H2AC12: variants seen among roughly 807,000 people sequenced by gnomAD.
H2AC12 encodes the protein H2A clustered histone 12, also known as histone H2A type 1-H.
Under a neutral mutation model 5.8 loss-of-function variants are expected in H2AC12, and 9 were observed. The observed-to-expected ratio is 1.56, with a 90% CI of 0.94 to 2.71. The LOEUF is 2.71. Among genes scored for constraint, H2AC12 ranks in the 30% most tolerant of loss-of-function variants. The probability of loss-of-function intolerance (pLI) is 0.00; values close to 1 mark genes in which losing one functional copy is unlikely to be tolerated. For synonymous variants in H2AC12, 158 were observed against 78.1 expected, an observed-to-expected ratio of 2.02 and a Z score of -5.39; for missense variants, 232 against 173.1, an observed-to-expected ratio of 1.34 and a Z score of -1.91.
In H2AC12 at chr6:27,147,155, T is replaced by TC; in HGVS notation, c.27_28insC (p.Lys10GlnfsTer30). On this transcript the variant is annotated frameshift_variant, in exon 1 of 1. Coordinates refer to ENST00000377459, the MANE Select transcript of H2AC12 (RefSeq NM_080596.3). LOFTEE classifies it high-confidence loss of function. ...TGTCTGGACGTGGCAAGCAAGGCGGTAAAGCTCGCGCCAAGGCCAAGACCC... is the reference window on the plus strand; with the variant it reads ...TGTCTGGACGTGGCAAGCAAGGCGGTCAAAGCTCGCGCCAAGGCCAAGACCC... The TC allele has an allele frequency of 6.2e-7, 1 of 1,612,898 alleles. No homozygotes were observed. The highest frequency in any genetic ancestry group is 2.2e-5 in the East Asian group (1 of 44,870).
chr6:27,147,370 C>T lies in H2AC12; in HGVS notation c.242C>T (p.Pro81Leu). The change falls in exon 1 of 1, where the codon CCG becomes CTG. Residue 81 changes from proline to leucine, a missense_variant. Pro to Leu is a moderately conservative substitution (Grantham distance 98, BLOSUM62 -3). Coordinates refer to ENST00000377459, the MANE Select transcript of H2AC12 (RefSeq NM_080596.3). ...ARDNKKTRII[P>L]RHLQLAIRND... ...GACAACAAGAAGACCCGTATCATCC[C>T]GCGTCACCTCCAACTGGCCATCCGC... 6.2e-7 allele frequency: 1 copy of T among 1,614,192 alleles called. No homozygotes were observed. Among genetic ancestry groups the T allele is most frequent in the Non-Finnish European group, 8.5e-7 (1 of 1,180,034 alleles).
In H2AC12 at chr6:27,147,394, G is replaced by A; in HGVS notation, c.266G>A (p.Arg89His). ...CCGCGTCACCTCCAACTGGCCATCC[G>A]CAACGACGAGGAGCTCAACAAGCTG... Reference protein sequence around the residue: ...IIPRHLQLAIRNDEELNKLLG... With the variant: ...IIPRHLQLAIHNDEELNKLLG... The change falls in exon 1 of 1, where the codon CGC (arginine) becomes CAC (histidine). Residue 89 changes from arginine to histidine, a missense_variant. Arg to His is a conservative substitution (Grantham distance 29). Transcript: ENST00000377459. The A allele has an allele frequency of 2.5e-6, 4 of 1,614,222 alleles. No individual in the cohort carries two copies. The South Asian group carries it at 4.4e-5, about 18-fold the overall frequency.
In H2AC12 at chr6:27,147,420, C is replaced by G; in HGVS notation, c.292C>G (p.Leu98Val). Residue 98 changes from leucine to valine, a missense_variant, in exon 1 of 1, where the codon CTG (leucine) becomes GTG (valine). Coordinates refer to ENST00000377459, the MANE Select transcript of H2AC12 (RefSeq NM_080596.3). The stretch of plus-strand genomic sequence containing the variant: ...CAACGACGAGGAGCTCAACAAGCTG[C>G]TGGGCAAAGTCACCATCGCGCAGGG... ...IRNDEELNKL[L>V]GKVTIAQGGV... 6.2e-7 allele frequency: 1 copy of G among 1,614,234 alleles called. No homozygotes were observed. The highest frequency in any genetic ancestry group is 8.5e-7 in the Non-Finnish European group (1 of 1,180,046).
chr6:27,147,281 C>G lies in H2AC12; in HGVS notation c.153C>G (p.Tyr51Ter). ...AERVGAGAPVYLAAVLEYLTA... is the reference protein window; with the variant it reads ...AERVGAGAPV ...GGGTTGGAGCCGGCGCGCCAGTGTA[C>G]CTGGCTGCGGTGCTGGAGTACCTGA... Residue 51 changes from tyrosine to a stop codon, truncating the protein, a stop_gained, in exon 1 of 1, where the codon TAC becomes TAG. Transcript: ENST00000377459. LOFTEE classifies it high-confidence loss of function. The G allele has an allele frequency of 6.2e-7, 1 of 1,614,152 alleles. No homozygotes were observed. The highest frequency in any genetic ancestry group is 8.5e-7 in the Non-Finnish European group (1 of 1,180,018).
chr6:27,147,425 C>T lies in H2AC12; in HGVS notation c.297C>T (p.Gly99=), dbSNP rs535817336. Residue 99 remains glycine (G), a synonymous_variant, in exon 1 of 1, where the codon GGC becomes GGT. Coordinates refer to ENST00000377459, the MANE Select transcript of H2AC12 (RefSeq NM_080596.3). The stretch of plus-strand genomic sequence containing the variant: ...ACGAGGAGCTCAACAAGCTGCTGGG[C>T]AAAGTCACCATCGCGCAGGGTGGTG... The part of the protein sequence containing the change: ...RNDEELNKLL[G]KVTIAQGGVL... The T allele has an allele frequency of 2.6e-5, 42 of 1,614,214 alleles. 2 individuals carry two copies. Among genetic ancestry groups the T allele is most frequent in the South Asian group, 2.5e-4 (23 of 91,086 alleles).
In H2AC12 at chr6:27,147,121, T is replaced by G. The variant is rs189033282; in HGVS notation, c.-8T>G. 6.9e-6 allele frequency: 11 copies of G among 1,603,372 alleles called. No homozygotes were observed. Reference sequence around the variant, plus strand: ...CTCGTTGGCTACTTTCAGTAAGTTGTGACCAGTATGTCTGGACGTGGCAAG... The same window carrying G: ...CTCGTTGGCTACTTTCAGTAAGTTGGGACCAGTATGTCTGGACGTGGCAAG... On this transcript the variant is annotated 5_prime_UTR_variant, in exon 1 of 1. Coordinates refer to ENST00000377459, the MANE Select transcript of H2AC12 (RefSeq NM_080596.3).
Position 27,147,168 on chromosome 6 carries a change from A to G in H2AC12, c.40A>G (p.Lys14Glu), listed in dbSNP as rs138122482. 65 of 1,613,486 alleles carry G rather than the reference A, an allele frequency of 4.0e-5. No homozygotes were observed. Among genetic ancestry groups the G allele is most frequent in the Non-Finnish European group, 5.3e-5 (63 of 1,179,700 alleles). Residue 14 changes from lysine (K) to glutamate (E), a missense_variant, in exon 1 of 1, where the codon AAG becomes GAG. Transcript: ENST00000377459. ...CAAGCAAGGCGGTAAAGCTCGCGCC[A>G]AGGCCAAGACCCGCTCTTCTCGGGC... is the stretch of plus-strand genomic sequence containing the variant. ...RGKQGGKARAKAKTRSSRAGL... is the reference protein window; with the variant it reads ...RGKQGGKARAEAKTRSSRAGL...
At position 27,147,281 on chromosome 6, in the gene H2AC12, C is replaced by T. The variant is rs368568753; in HGVS notation, c.153C>T (p.Tyr51=). 3.8e-5 allele frequency: 61 copies of T among 1,614,152 alleles called. No individual in the cohort carries two copies. In the African/African-American group the frequency reaches 3.9e-4, roughly 10 times the overall value. ...AERVGAGAPV[Y]LAAVLEYLTA... ...GGGTTGGAGCCGGCGCGCCAGTGTA[C>T]CTGGCTGCGGTGCTGGAGTACCTGA... The change falls in exon 1 of 1, where the codon TAC becomes TAT. Residue 51 remains tyrosine, a synonymous_variant. Transcript: ENST00000377459.
rs778170423 is a variant in H2AC12 at position 27,147,252 on chromosome 6, G to C, written c.124G>C (p.Glu42Gln). The change falls in exon 1 of 1, where the codon GAG (glutamate) becomes CAG (glutamine). Residue 42 changes from glutamate to glutamine, a missense_variant. Transcript: ENST00000377459. ...HRLLRKGNYAERVGAGAPVYL... is the reference protein window; with the variant it reads ...HRLLRKGNYAQRVGAGAPVYL... Reference sequence around the variant, plus strand: ...CCTGCTCCGCAAGGGTAATTATGCCGAGCGGGTTGGAGCCGGCGCGCCAGT... The same window carrying C: ...CCTGCTCCGCAAGGGTAATTATGCCCAGCGGGTTGGAGCCGGCGCGCCAGT... 1.2e-6 allele frequency: 2 copies of C among 1,614,128 alleles called. No individual in the cohort carries two copies. Among genetic ancestry groups the C allele is most frequent in the South Asian group, 2.2e-5 (2 of 91,080 alleles).
chr6:27,147,206 C>T lies in H2AC12; in HGVS notation c.78C>T (p.Phe26=). ...GCTCTTCTCGGGCTGGGCTTCAGTT[C>T]CCCGTGGGCCGAGTGCACCGCCTGC... ...KTRSSRAGLQ[F]PVGRVHRLLR... The change falls in exon 1 of 1, where the codon TTC becomes TTT. Residue 26 remains phenylalanine (F), a synonymous_variant. Coordinates refer to ENST00000377459, the MANE Select transcript of H2AC12 (RefSeq NM_080596.3). The T allele has an allele frequency of 1.2e-6, 2 of 1,614,160 alleles. No homozygotes were observed. Among genetic ancestry groups the T allele is most frequent in the Non-Finnish European group, 8.5e-7 (1 of 1,180,006 alleles).
rs61740500 is a variant in H2AC12 at position 27,147,374 on chromosome 6, T to C, written c.246T>C (p.Arg82=). 1.2e-3 allele frequency: 1,877 copies of C among 1,614,172 alleles called. 22 individuals carry two copies. The African/African-American group carries it at 0.022, about 19-fold the overall frequency. Residue 82 remains arginine (R), a synonymous_variant, in exon 1 of 1, where the codon CGT becomes CGC. Coordinates refer to ENST00000377459, the MANE Select transcript of H2AC12 (RefSeq NM_080596.3). The stretch of plus-strand genomic sequence containing the variant: ...ACAAGAAGACCCGTATCATCCCGCG[T>C]CACCTCCAACTGGCCATCCGCAACG... The part of the protein sequence containing the change: ...RDNKKTRIIP[R]HLQLAIRNDE...
Position 27,147,253 on chromosome 6 carries a change from A to C in H2AC12, c.125A>C (p.Glu42Ala), listed in dbSNP as rs1267073459. 2 of 1,614,102 alleles carry C rather than the reference A, an allele frequency of 1.2e-6. No individual in the cohort carries two copies. The highest frequency in any genetic ancestry group is 1.7e-6 in the Non-Finnish European group (2 of 1,180,012). ...HRLLRKGNYAERVGAGAPVYL... is the reference protein window; with the variant it reads ...HRLLRKGNYAARVGAGAPVYL... ...CTGCTCCGCAAGGGTAATTATGCCG[A>C]GCGGGTTGGAGCCGGCGCGCCAGTG... Residue 42 changes from glutamate to alanine, a missense_variant, in exon 1 of 1, where the codon GAG becomes GCG. Physicochemically the swap from Glu to Ala is moderately radical, Grantham distance 107. Transcript: ENST00000377459.
At position 27,147,280 on chromosome 6, in the gene H2AC12, A is replaced by G. The variant is rs748161358; in HGVS notation, c.152A>G (p.Tyr51Cys). 3.7e-6 allele frequency: 6 copies of G among 1,614,088 alleles called. No individual in the cohort carries two copies. Among genetic ancestry groups the G allele is most frequent in the South Asian group, 3.3e-5 (3 of 91,080 alleles). The change falls in exon 1 of 1, where the codon TAC (tyrosine) becomes TGC (cysteine). Residue 51 changes from tyrosine (Y) to cysteine (C), a missense_variant. Physicochemically the swap from Tyr to Cys is radical, Grantham distance 194. Coordinates refer to ENST00000377459, the MANE Select transcript of H2AC12 (RefSeq NM_080596.3). Reference sequence around the variant, plus strand: ...CGGGTTGGAGCCGGCGCGCCAGTGTACCTGGCTGCGGTGCTGGAGTACCTG... The same window carrying G: ...CGGGTTGGAGCCGGCGCGCCAGTGTGCCTGGCTGCGGTGCTGGAGTACCTG... ...AERVGAGAPVYLAAVLEYLTA... is the reference protein window; with the variant it reads ...AERVGAGAPVCLAAVLEYLTA...
Position 27,147,261 on chromosome 6 carries a change from G to A in H2AC12, c.133G>A (p.Gly45Arg). The change falls in exon 1 of 1, where the codon GGA (glycine) becomes AGA (arginine). Residue 45 changes from glycine (G) to arginine (R), a missense_variant. By Grantham distance (125) the Gly-to-Arg change is moderately radical. Coordinates refer to ENST00000377459, the MANE Select transcript of H2AC12 (RefSeq NM_080596.3). ...CAAGGGTAATTATGCCGAGCGGGTT[G>A]GAGCCGGCGCGCCAGTGTACCTGGC... ...LRKGNYAERV[G>R]AGAPVYLAAV... The A allele has an allele frequency of 6.2e-7, 1 of 1,614,160 alleles. No homozygotes were observed. The highest frequency in any genetic ancestry group is 8.5e-7 in the Non-Finnish European group (1 of 1,180,028).
Position 27,147,158 on chromosome 6 carries a change from A to T in H2AC12, c.30A>T (p.Lys10Asn), listed in dbSNP as rs750663696. 36 of 1,612,970 alleles carry T rather than the reference A, an allele frequency of 2.2e-5. No homozygotes were observed. The highest frequency in any genetic ancestry group is 2.5e-6 in the Non-Finnish European group (3 of 1,179,400). MSGRGKQGG[K>N]ARAKAKTRSS... ...CTGGACGTGGCAAGCAAGGCGGTAAAGCTCGCGCCAAGGCCAAGACCCGCT... is the reference window on the plus strand; with the variant it reads ...CTGGACGTGGCAAGCAAGGCGGTAATGCTCGCGCCAAGGCCAAGACCCGCT... Residue 10 changes from lysine (K) to asparagine (N), a missense_variant, in exon 1 of 1, where the codon AAA (lysine) becomes AAT (asparagine). Lys to Asn is a moderately conservative substitution (Grantham distance 94). Coordinates refer to ENST00000377459, the MANE Select transcript of H2AC12 (RefSeq NM_080596.3).
At position 27,147,114 on chromosome 6, in the gene H2AC12, T is replaced by A; in HGVS notation, c.-15T>A. On this transcript the variant is annotated 5_prime_UTR_variant, in exon 1 of 1. Transcript: ENST00000377459. The stretch of plus-strand genomic sequence containing the variant: ...GCCTTTCCTCGTTGGCTACTTTCAG[T>A]AAGTTGTGACCAGTATGTCTGGACG... 6.3e-7 allele frequency: 1 copy of A among 1,583,414 alleles called. No individual in the cohort carries two copies. Among genetic ancestry groups the A allele is most frequent in the Non-Finnish European group, 8.6e-7 (1 of 1,166,400 alleles).
chr6:27,147,250 C>G lies in H2AC12; in HGVS notation c.122C>G (p.Ala41Gly). ...CGCCTGCTCCGCAAGGGTAATTATG[C>G]CGAGCGGGTTGGAGCCGGCGCGCCA... ...VHRLLRKGNYAERVGAGAPVY... is the reference protein window; with the variant it reads ...VHRLLRKGNYGERVGAGAPVY... The change falls in exon 1 of 1, where the codon GCC (alanine) becomes GGC (glycine). Residue 41 changes from alanine (A) to glycine (G), a missense_variant. By Grantham distance (60) the Ala-to-Gly change is moderately conservative. Coordinates refer to ENST00000377459, the MANE Select transcript of H2AC12 (RefSeq NM_080596.3). 1 of 1,614,170 alleles carries G rather than the reference C, an allele frequency of 6.2e-7. No individual in the cohort carries two copies. The highest frequency in any genetic ancestry group is 8.5e-7 in the Non-Finnish European group (1 of 1,180,028).
rs772442644 is a variant in H2AC12 at position 27,147,186 on chromosome 6, TCTC to T, written c.59_61del (p.Ser20_Arg21delinsTrp). The T allele has an allele frequency of 6.2e-7, 1 of 1,614,040 alleles. No homozygotes were observed. The highest frequency in any genetic ancestry group is 8.5e-7 in the Non-Finnish European group (1 of 1,179,934). ...TCGCGCCAAGGCCAAGACCCGCTCT[TCTC>T]GGGCTGGGCTTCAGTTCCCCGTGGG... On this transcript the variant is annotated inframe_deletion, in exon 1 of 1. Transcript: ENST00000377459.
rs1260572826 is a variant in H2AC12 at position 27,147,309 on chromosome 6, G to C, written c.181G>C (p.Ala61Pro). The C allele has an allele frequency of 6.2e-7, 1 of 1,614,154 alleles. No individual in the cohort carries two copies. Among genetic ancestry groups the C allele is most frequent in the Non-Finnish European group, 8.5e-7 (1 of 1,180,024 alleles). ...YLAAVLEYLT[A>P]EILELAGNAA... ...GGCTGCGGTGCTGGAGTACCTGACC[G>C]CTGAGATCCTGGAGCTGGCTGGCAA... Residue 61 changes from alanine to proline, a missense_variant, in exon 1 of 1, where the codon GCT becomes CCT. Ala to Pro is a conservative substitution (Grantham distance 27). Coordinates refer to ENST00000377459, the MANE Select transcript of H2AC12 (RefSeq NM_080596.3).
Sources: allele counts gnomAD v4.1 joint callset, GRCh38; gene constraint gnomAD v4.1.1; transcripts MANE v1.5; gene names NCBI Gene and HGNC (gene_info 2026-07-23, HGNC 2026-07-21).